The following TRAF2 variants were observed in gnomAD, a reference collection of about 807,000 sequenced individuals.
TRAF2 encodes the protein TNF receptor-associated factor 2.
Under a neutral mutation model 55.6 loss-of-function variants are expected in TRAF2, and 6 were observed. The observed-to-expected ratio is 0.11, with a 90% CI of 0.06 to 0.21. TRAF2 has a LOEUF of 0.21. TRAF2 is among the 10% of genes least tolerant of loss of function. TRAF2 has a pLI of 1.00. For missense variants in TRAF2, 561 were observed against 684.5 expected (o/e 0.82, Z 2.01); for synonymous variants, 329 against 276.3 (o/e 1.19, Z -1.89).
chr9:136,903,729 T>C (rs1425290283), intron 4 of TRAF2, among the ~76,000 whole-genome samples: 2 of 152,286 alleles, frequency 1.3e-5, no homozygotes, highest in South Asian at 2.1e-4. Flanking sequence ...TCACCCAGAC[T>C]GGAGTGCAGT....
At chr9:136,905,530 C>T (rs1849926911) in intron 4 of TRAF2, among the ~76,000 whole-genome samples, 1 of 152,168 alleles carries the variant, frequency 6.6e-6, no homozygotes, top group South Asian at 2.1e-4. Flanking sequence ...GTGATGGTTA[C>T]ATAACATCAG....
At chr9:136,923,653 C>T (rs900286171) in intron 9 of TRAF2, among the ~76,000 whole-genome samples, 199 bp from the exon 10 acceptor site, 11 of 144,746 alleles carry the variant, frequency 7.6e-5, no homozygotes, top group African/African-American at 1.0e-4. Flanking sequence ...TAAGTACTAC[C>T]TTTTTTTTTG....
chr9:136,919,998 G>T (rs1850344852), intron 7 of TRAF2, among the ~76,000 whole-genome samples: 1 of 152,190 alleles, frequency 6.6e-6, no homozygotes, highest in Admixed American at 6.5e-5. Context: ...AATCACAGTT[G>T]CTAGCTACTG....
chr9:136,920,213 C>T (rs754247168), intron 7 of TRAF2, 21 bp from the exon 8 acceptor site: 110 of 1,588,344 alleles, frequency 6.9e-5, no homozygotes, highest in Non-Finnish European at 6.2e-5. Flanking sequence ...AGCCAGCAGC[C>T]TCCCTGCCCT....
upstream of TRAF2, among the ~76,000 whole-genome samples, chr9:136,882,345 C>T (rs1009460747): frequency 6.6e-6 from 1 of 152,248 alleles, no homozygotes; most frequent in Admixed American, 6.5e-5. Context: ...ACCTCCCGTG[C>T]TCTGCAGGCC....
Position 136,926,522 on chromosome 9 carries a change from G to T in TRAF2, c.*621G>T. 5.1e-6 allele frequency: 1 copy of T among 195,872 alleles called. No homozygotes were observed. Among genetic ancestry groups the T allele is most frequent in the Non-Finnish European group, 1.1e-5 (1 of 93,058 alleles). 12.1% of individuals were successfully genotyped at this position (195,872 alleles called of 1,614,324 possible). ...CCGCCTCTGCTCAGACCACTGTGTGGGAGGTGCACAGCACAGCCTGCGGGT... is the reference window on the plus strand; with the variant it reads ...CCGCCTCTGCTCAGACCACTGTGTGTGAGGTGCACAGCACAGCCTGCGGGT... On this transcript the variant is annotated 3_prime_UTR_variant, in exon 11 of 11. Transcript: ENST00000247668.
intron 1 of TRAF2, chr9:136,889,544 C>G (rs1015665553): frequency 6.6e-6 from 1 of 152,234 alleles, no homozygotes; most frequent in African/African-American, 2.4e-5. Flanking sequence ...TTGGCACTCC[C>G]AAAGTGCTGG....
chr9:136,907,934 A>T, intron 4 of TRAF2, 136 bp from the exon 5 acceptor site: 1 of 949,922 alleles, frequency 1.1e-6, no homozygotes, highest in Admixed American at 2.3e-5. Flanking sequence ...CCTGAGAGCT[A>T]TCTGCAGAGG....
intron 10 of TRAF2, 128 bp downstream of exon 10, chr9:136,924,128 G>T: frequency 8.6e-7 from 1 of 1,166,934 alleles, no homozygotes; most frequent in Non-Finnish European, 1.2e-6. Context: ...TCTGCAGCAG[G>T]CACGTCACCC....
intron 9 of TRAF2, among the ~76,000 whole-genome samples, chr9:136,922,837 G>A (rs1261292581): frequency 7.7e-6 from 1 of 129,856 alleles, no homozygotes. Context: ...CTGGGGGCAC[G>A]TGGTGGAGGA....
At chr9:136,912,172 T>C (rs1850129568) in intron 6 of TRAF2, among the ~76,000 whole-genome samples, 1 of 115,734 alleles carries the variant, frequency 8.6e-6, no homozygotes, top group African/African-American at 4.2e-5. Flanking sequence ...TTTTTTTTTT[T>C]TTTTTTTGGA....
At position 136,920,456 on chromosome 9, in the gene TRAF2, G is replaced by A. The variant is rs779553149; in HGVS notation, c.901G>A (p.Glu301Lys). The change falls in exon 8 of 11, where the codon GAG (glutamate) becomes AAG (lysine). Residue 301 changes from glutamate (E) to lysine (K), a missense_variant. Around this residue, in one of 2 missense-constraint regions of TRAF2, gnomAD observed 426 missense variants for 476.8 expected, o/e 0.89. Coordinates refer to ENST00000247668, the MANE Select transcript of TRAF2 (RefSeq NM_021138.4). The stretch of plus-strand genomic sequence containing the variant: ...GGTGGAGAGGGTGGCCATGACTGCC[G>A]AGGCCTGCAGCCGGCAGCACCGGCT... ...REVERVAMTAEACSRQHRLDQ... is the reference protein window; with the variant it reads ...REVERVAMTAKACSRQHRLDQ... 12 of 1,613,430 alleles carry A rather than the reference G, an allele frequency of 7.4e-6. No individual in the cohort carries two copies. Among genetic ancestry groups the A allele is most frequent in the Non-Finnish European group, 9.3e-6 (11 of 1,179,962 alleles).
chr9:136,886,236 A>G, upstream of TRAF2: 2 of 229,902 alleles, frequency 8.7e-6, no homozygotes, highest in Non-Finnish European at 1.4e-5. Flanking sequence ...CCCCGCACCA[A>G]CGCCCCGGCG....
At chr9:136,886,463 G>A (rs374774085), upstream of TRAF2, 11 of 1,006,116 alleles carry the variant, frequency 1.1e-5, no homozygotes, top group Admixed American at 4.8e-4. Context: ...GGCGCACGCG[G>A]CGGAGCGGCG....
At chr9:136,924,423 A>T (rs1228303510) in intron 10 of TRAF2, among the ~76,000 whole-genome samples, 1 of 151,868 alleles carries the variant, frequency 6.6e-6, no homozygotes, top group Non-Finnish European at 1.5e-5. Flanking sequence ...TTAGCCGGGC[A>T]TGGTGGTGTG....
chr9:136,884,806 C>A (rs566805725), upstream of TRAF2, among the ~76,000 whole-genome samples: 1 of 152,246 alleles, frequency 6.6e-6, no homozygotes, highest in Non-Finnish European at 1.5e-5. Context: ...AAGCGGTCCT[C>A]CTGCCTCAGC....
intron 4 of TRAF2, among the ~76,000 whole-genome samples, chr9:136,906,080 A>G (rs560841249): frequency 1.2e-3 from 176 of 152,226 alleles, no homozygotes; most frequent in African/African-American, 3.6e-3. Flanking sequence ...CCACTGCACG[A>G]CAGAGCAAGA....
At chr9:136,892,238 C>T (rs180907622) in intron 1 of TRAF2, among the ~76,000 whole-genome samples, 1 of 151,882 alleles carries the variant, frequency 6.6e-6, no homozygotes, top group Non-Finnish European at 1.5e-5. Context: ...CCGAGGCGGG[C>T]AGATCACGAG....
chr9:136,924,242 T>C (rs1433379687), intron 10 of TRAF2, among the ~76,000 whole-genome samples: 2 of 152,134 alleles, frequency 1.3e-5, no homozygotes, highest in Admixed American at 6.5e-5. Context: ...ACCTGTCAGA[T>C]AAATATAAAT....
Sources: allele counts gnomAD v4.1 joint callset (sites outside exome capture counted in the v4.1 genomes callset), GRCh38; gene constraint gnomAD v4.1.1; regional missense constraint gnomAD v4.1.1; transcripts MANE v1.5; gene names NCBI Gene and HGNC (gene_info 2026-07-23, HGNC 2026-07-21).